BACE2: variants seen among roughly 807,000 people sequenced by gnomAD.
The protein encoded by BACE2 is beta-secretase 2.
In BACE2, 17 loss-of-function variants were observed where a neutral mutation model predicts 46.2. The ratio of observed to expected loss-of-function variants is 0.37; its 90% CI spans 0.25 to 0.55. The LOEUF (loss-of-function observed/expected upper bound fraction) is 0.55, where lower values mean the gene tolerates loss of function less well. Ranked by LOEUF, BACE2 falls within the 20% of genes least tolerant of loss-of-function variation. The pLI, the probability that BACE2 is intolerant of heterozygous loss-of-function variation, is 0.82. For synonymous variants in BACE2, 277 were observed against 295.9 expected, an observed-to-expected ratio of 0.94 and a Z score of 0.66; for missense variants, 595 against 698.1, an observed-to-expected ratio of 0.85 and a Z score of 1.66.
At chr21:41,225,129 G>A (rs540224294) in intron 1 of BACE2, among the ~76,000 whole-genome samples, 2 of 152,036 alleles carry the variant, frequency 1.3e-5, no homozygotes, top group African/African-American at 4.8e-5. Context: ...AGCTACTGAG[G>A]AGGCTGAGGC....
intron 1 of BACE2, among the ~76,000 whole-genome samples, chr21:41,218,267 A>C (rs1351782084): frequency 6.6e-6 from 1 of 152,206 alleles, no homozygotes; most frequent in Non-Finnish European, 1.5e-5. Context: ...CATGCTTTAG[A>C]TTTCTCCACA....
At chr21:41,184,409 T>C (rs1480334742) in intron 1 of BACE2, 2 of 167,140 alleles carry the variant, frequency 1.2e-5, no homozygotes, top group African/African-American at 4.8e-5. Flanking sequence ...ATAGTCAACG[T>C]AACAAACTCT....
chr21:41,216,360 C>T (rs1323201874), intron 1 of BACE2, among the ~76,000 whole-genome samples: 3 of 152,354 alleles, frequency 2.0e-5, no homozygotes, highest in South Asian at 2.1e-4. Context: ...GCTCCAGGAA[C>T]GACCATCGTG....
chr21:41,171,149 C>T (rs1055652726), intron 1 of BACE2, among the ~76,000 whole-genome samples: 4 of 152,244 alleles, frequency 2.6e-5, no homozygotes, highest in Non-Finnish European at 5.9e-5. Context: ...CCTGAACGTA[C>T]ACCCCAAGGT....
chr21:41,274,907 C>T (rs1004896437), intron 8 of BACE2, among the ~76,000 whole-genome samples: 1 of 152,152 alleles, frequency 6.6e-6, no homozygotes, highest in African/African-American at 2.4e-5. Flanking sequence ...CAGGTTGACT[C>T]CACTGGGGAA....
intron 1 of BACE2, among the ~76,000 whole-genome samples, chr21:41,194,312 C>G (rs1246014400): frequency 2.6e-5 from 4 of 152,136 alleles, no homozygotes; most frequent in Admixed American, 2.6e-4. Flanking sequence ...CCCACCTGAC[C>G]TTATCATATC....
At chr21:41,220,569 C>T (rs749904494) in intron 1 of BACE2, among the ~76,000 whole-genome samples, 3 of 152,148 alleles carry the variant, frequency 2.0e-5, no homozygotes, top group Non-Finnish European at 2.9e-5. Flanking sequence ...ATACGTATTT[C>T]ACAATCTTTC....
intron 8 of BACE2, among the ~76,000 whole-genome samples, chr21:41,259,592 TAAA>T (rs1296370437): frequency 6.6e-6 from 1 of 152,052 alleles, no homozygotes; most frequent in East Asian, 1.9e-4. Context: ...GTCTTAGAAA[TAAA>T]AAACCAAGTA....
intron 8 of BACE2, among the ~76,000 whole-genome samples, chr21:41,257,846 G>A (rs182142440): frequency 6.6e-6 from 1 of 152,200 alleles, no homozygotes; most frequent in African/African-American, 2.4e-5. Context: ...AGTCTAGCTG[G>A]AGGGTTGGCA....
At chr21:41,253,266 C>T (rs774386595) in intron 7 of BACE2, among the ~76,000 whole-genome samples, 4 of 151,860 alleles carry the variant, frequency 2.6e-5, no homozygotes, top group Non-Finnish European at 4.4e-5. Flanking sequence ...ACAGTGAAAC[C>T]CAGTCTCTAC....
chr21:41,197,266 G>GTTTTT (rs57910664), intron 1 of BACE2, among the ~76,000 whole-genome samples: 3 of 144,680 alleles, frequency 2.1e-5, no homozygotes, highest in African/African-American at 2.5e-5. Context: ...AGCCAGCCAG[G>GTTTTT]TTTTTTTTGT....
chr21:41,168,249 G>C lies in BACE2; in HGVS notation c.-15G>C. 1 of 1,159,042 alleles carries C rather than the reference G, an allele frequency of 8.6e-7. No homozygotes were observed. 71.8% of individuals were successfully genotyped at this position (1,159,042 alleles called of 1,614,324 possible). A position where few individuals can be genotyped will look rare whatever the true frequency, so the allele number is the denominator to read the frequency against. On this transcript the variant is annotated 5_prime_UTR_variant, in exon 1 of 9. Transcript: ENST00000330333. ...CCGGCTAGGCTGGGCGCGCCCCCCG[G>C]GCCCCGCCGTGGGCATGGGCGCACT...
intron 8 of BACE2, among the ~76,000 whole-genome samples, chr21:41,268,394 A>C (rs1390887344): frequency 6.6e-6 from 1 of 152,142 alleles, no homozygotes; most frequent in Non-Finnish European, 1.5e-5. Flanking sequence ...AAAACCATAG[A>C]ATTAGTAGCG....
At chr21:41,192,930 G>A (rs1985624159) in intron 1 of BACE2, among the ~76,000 whole-genome samples, 1 of 152,190 alleles carries the variant, frequency 6.6e-6, no homozygotes, top group African/African-American at 2.4e-5. Flanking sequence ...GGAATATCTT[G>A]ACAAGCCCCA....
intron 1 of BACE2, among the ~76,000 whole-genome samples, chr21:41,204,080 A>G (rs1986050388): frequency 6.6e-6 from 1 of 152,202 alleles, no homozygotes; most frequent in South Asian, 2.1e-4. Context: ...GCAGTGGTGC[A>G]GTCTTGGCTC....
intron 1 of BACE2, among the ~76,000 whole-genome samples, chr21:41,205,133 GA>G (rs762605867): frequency 1.1e-4 from 17 of 152,158 alleles, no homozygotes; most frequent in South Asian, 2.1e-4. Flanking sequence ...AAACGAAGAT[GA>G]AATTTTAGAT....
chr21:41,275,894 C>T lies in BACE2; in HGVS notation c.*270C>T, dbSNP rs12149. 0.47 allele frequency: 210,315 copies of T among 445,950 alleles called. 53,799 individuals carry two copies. The highest frequency in any genetic ancestry group is 0.69 in the East Asian group (17,650 of 25,620). 27.6% of individuals were successfully genotyped at this position (445,950 alleles called of 1,614,324 possible). Reference sequence around the variant, plus strand: ...ATTGGGCTGCAGGCTCTATGGGGTTCGTTATGCCAAAGTGTCTACATGTGC... The same window carrying T: ...ATTGGGCTGCAGGCTCTATGGGGTTTGTTATGCCAAAGTGTCTACATGTGC... On this transcript the variant is annotated 3_prime_UTR_variant, in exon 9 of 9. Transcript: ENST00000330333.
chr21:41,238,542 T>C (rs1240805304), intron 3 of BACE2, among the ~76,000 whole-genome samples: 1 of 152,062 alleles, frequency 6.6e-6, no homozygotes, highest in Non-Finnish European at 1.5e-5. Flanking sequence ...AGCAAAGACT[T>C]GGAACCAACC....
At chr21:41,261,512 A>T (rs1402061098) in intron 8 of BACE2, among the ~76,000 whole-genome samples, 1 of 152,072 alleles carries the variant, frequency 6.6e-6, no homozygotes, top group Non-Finnish European at 1.5e-5. Flanking sequence ...GAGTTATACT[A>T]TCTAGTCTCC....
Sources: gnomAD v4.1 joint callset for allele counts (sites outside exome capture counted in the v4.1 genomes callset) on GRCh38, gnomAD v4.1.1 for gene constraint, MANE v1.5 for transcripts, NCBI Gene and HGNC (gene_info 2026-07-23, HGNC 2026-07-21) for gene names.